CD36: variants seen among roughly 807,000 people sequenced by gnomAD.
The protein encoded by CD36 is CD36 molecule (CD36 blood group), also known as platelet glycoprotein 4.
A neutral mutation model predicts 55.2 loss-of-function variants in CD36; 119 were observed. The observed-to-expected ratio is 2.15, with a 90% CI of 1.86 to 2.51. CD36 has a LOEUF of 2.51. CD36 is among the 30% of genes most tolerant of loss of function. The pLI, the probability that CD36 is intolerant of heterozygous loss-of-function variation, is 0.00. For missense variants in CD36, 819 were observed against 555.5 expected (o/e 1.47, Z -4.77); for synonymous variants, 186 against 193.6 (o/e 0.96, Z 0.33).
Position 80,677,470 on chromosome 7 carries a change from G to A in CD36, c.*1087G>A, listed in dbSNP as rs556210555. 3.3e-5 allele frequency: 5 copies of A among 152,232 alleles called. No individual in the cohort carries two copies. The highest frequency in any genetic ancestry group is 2.1e-4 in the South Asian group (1 of 4,820). 9.4% of individuals were successfully genotyped at this position (152,232 alleles called of 1,614,324 possible). A position where few individuals can be genotyped will look rare whatever the true frequency, so the allele number is the denominator to read the frequency against. On this transcript the variant is annotated 3_prime_UTR_variant, in exon 15 of 15. Transcript: ENST00000447544. ...TTTTAGCCTCCTCCTTATGATAGCC[G>A]CCAGAGTAAATGTTGAGCATTACTA...
intron 8 of CD36, among the ~76,000 whole-genome samples, chr7:80,667,355 A>G (rs552029025): frequency 6.8e-6 from 1 of 146,804 alleles, no homozygotes; most frequent in South Asian, 2.2e-4. Context: ...ACTTGATTCC[A>G]GGAGGTGGAG....
chr7:80,646,636 C>A lies in CD36; in HGVS notation c.-89-16C>A. 2 of 1,346,778 alleles carry A rather than the reference C, an allele frequency of 1.5e-6. No homozygotes were observed. Among genetic ancestry groups the A allele is most frequent in the Non-Finnish European group, 2.1e-6 (2 of 939,820 alleles). 83.4% of individuals were successfully genotyped at this position (1,346,778 alleles called of 1,614,324 possible). A position where few individuals can be genotyped will look rare whatever the true frequency, so the allele number is the denominator to read the frequency against. ...GATATTTAAGCTTCTGTTTTATGATCTCTTTCTAATGATAGAACCAGAGCT... is the reference window on the plus strand; with the variant it reads ...GATATTTAAGCTTCTGTTTTATGATATCTTTCTAATGATAGAACCAGAGCT... On this transcript the variant is annotated splice_polypyrimidine_tract_variant and intron_variant, in intron 2 of 14. Transcript: ENST00000447544.
intron 1 of CD36, among the ~76,000 whole-genome samples, chr7:80,610,740 A>C (rs1792834039): frequency 6.6e-6 from 1 of 151,830 alleles, no homozygotes; most frequent in African/African-American, 2.4e-5. Flanking sequence ...ACGCCTGGCT[A>C]ATTTTTTGGA....
chr7:80,672,045 G>GAAAACACCTTATTGATCTGATTT lies in CD36; in HGVS notation c.1125+6_1125+28dup. On this transcript the variant is annotated splice_donor_region_variant and intron_variant, in intron 11 of 14. Coordinates refer to ENST00000447544, the MANE Select transcript of CD36 (RefSeq NM_001001548.3). ...ACATACTTGGATATTGAACCTGTAA[G>GAAAACACCTTATTGATCTGATTT]AAAACACCTTATTGATCTGATTTGG... 2 of 1,600,052 alleles carry GAAAACACCTTATTGATCTGATTT rather than the reference G, an allele frequency of 1.2e-6. No individual in the cohort carries two copies. Among genetic ancestry groups the GAAAACACCTTATTGATCTGATTT allele is most frequent in the Non-Finnish European group, 1.7e-6 (2 of 1,169,314 alleles).
intron 1 of CD36, among the ~76,000 whole-genome samples, chr7:80,640,492 A>T (rs1794730432): frequency 6.6e-6 from 1 of 151,994 alleles, no homozygotes; most frequent in Non-Finnish European, 1.5e-5. Context: ...AACTCATTTT[A>T]GAGAAAACTG....
chr7:80,660,691 T>C (rs1303467744), intron 4 of CD36, among the ~76,000 whole-genome samples: 1 of 152,214 alleles, frequency 6.6e-6, no homozygotes, highest in East Asian at 1.9e-4. Context: ...TGCCGTACTT[T>C]ACCTAACTAA....
At chr7:80,662,899 T>G in intron 5 of CD36, 91 bp from the exon 6 acceptor site, 1 of 1,055,882 alleles carries the variant, frequency 9.5e-7, no homozygotes, top group Non-Finnish European at 1.4e-6. Flanking sequence ...TTAAAAAGTT[T>G]TGTATTAAGC....
In CD36 at chr7:80,676,995, T is replaced by C. The variant is rs981791099; in HGVS notation, c.*612T>C. On this transcript the variant is annotated 3_prime_UTR_variant, in exon 15 of 15. Transcript: ENST00000447544. ...TAAAGACAGGTTTCAACCATTAAAATATGTTCTTCCTTAAATTCCTGTGCT... is the reference window on the plus strand; with the variant it reads ...TAAAGACAGGTTTCAACCATTAAAACATGTTCTTCCTTAAATTCCTGTGCT... The C allele has an allele frequency of 9.2e-5, 14 of 152,186 alleles. No individual in the cohort carries two copies. In the South Asian group the frequency reaches 1.4e-3, roughly 16 times the overall value. The allele number at this position is 152,186 out of a possible 1,614,324, so 9.4% of individuals were successfully genotyped here. A position where few individuals can be genotyped will look rare whatever the true frequency, so the allele number is the denominator to read the frequency against.
chr7:80,663,140 G>T lies in CD36; in HGVS notation c.580G>T (p.Val194Phe), dbSNP rs760233317. 1.2e-5 allele frequency: 19 copies of T among 1,613,514 alleles called. No individual in the cohort carries two copies. The African/African-American group carries it at 2.3e-4, about 19-fold the overall frequency. Reference protein sequence around the residue: ...DPFLSLVPYPVTTTVGLFYPY... With the variant: ...DPFLSLVPYPFTTTVGLFYPY... ...ATTTTTGAGTTTGGTTCCGTACCCT[G>T]TTACTACCACAGTTGGTCTGTTTTA... The change falls in exon 6 of 15, where the codon GTT becomes TTT. Residue 194 changes from valine (V) to phenylalanine (F), a missense_variant. By Grantham distance (50) the Val-to-Phe change is conservative (BLOSUM62 -1). Transcript: ENST00000447544.
intron 1 of CD36, among the ~76,000 whole-genome samples, chr7:80,611,597 A>G (rs1376189255): frequency 1.3e-5 from 2 of 152,216 alleles, no homozygotes; most frequent in Non-Finnish European, 2.9e-5. Flanking sequence ...AAAAGAGAGG[A>G]AAGTGTACCA....
intron 8 of CD36, among the ~76,000 whole-genome samples, chr7:80,668,247 A>G (rs1797310577): frequency 6.6e-6 from 1 of 152,194 alleles, no homozygotes; most frequent in Non-Finnish European, 1.5e-5. Context: ...AATCTTTAAA[A>G]AGAAGATTCA....
At chr7:80,622,250 C>T (rs569836433) in intron 1 of CD36, among the ~76,000 whole-genome samples, 22 of 152,322 alleles carry the variant, frequency 1.4e-4, no homozygotes, top group African/African-American at 1.7e-4. Flanking sequence ...TTCTGGGGCA[C>T]GAGACAAGAG....
At chr7:80,652,103 C>T (rs950395448) in intron 3 of CD36, among the ~76,000 whole-genome samples, 88 of 151,836 alleles carry the variant, frequency 5.8e-4, no homozygotes, top group African/African-American at 1.9e-3. Context: ...TATTTAATAA[C>T]GTAAGAACAA....
chr7:80,647,798 T>C (rs1795284998), intron 3 of CD36, among the ~76,000 whole-genome samples: 1 of 152,216 alleles, frequency 6.6e-6, no homozygotes, highest in Non-Finnish European at 1.5e-5. Flanking sequence ...TAAATGTTCA[T>C]TTTATTAAAC....
rs1430487041 is a variant in CD36, at chr7:80,673,377, A to G, written c.1222A>G (p.Asn408Asp). The stretch of plus-strand genomic sequence containing the variant: ...CAGAGTATTAAAGAATCTGAAGAGG[A>G]ACTATATTGTGCCTATTCTTTGGCT... The part of the protein sequence containing the change: ...KIQVLKNLKR[N>D]YIVPILWLNE... Residue 408 changes from asparagine (N) to aspartate (D), a missense_variant, in exon 13 of 15, where the codon AAC becomes GAC. Coordinates refer to ENST00000447544, the MANE Select transcript of CD36 (RefSeq NM_001001548.3). The G allele has an allele frequency of 3.2e-6, 5 of 1,556,806 alleles. No individual in the cohort carries two copies. The highest frequency in any genetic ancestry group is 1.7e-4 in the Middle Eastern group (1 of 5,908).
chr7:80,638,810 C>T lies in CD36; in HGVS notation c.-184+64C>T, dbSNP rs562381974. 13 of 151,456 alleles carry T rather than the reference C, an allele frequency of 8.6e-5. No homozygotes were observed. The East Asian group carries it at 1.6e-3, about 18-fold the overall frequency. 9.4% of individuals were successfully genotyped at this position (151,456 alleles called of 1,614,324 possible). A position where few individuals can be genotyped will look rare whatever the true frequency, so the allele number is the denominator to read the frequency against. The stretch of plus-strand genomic sequence containing the variant: ...GGGATTTTTCCCATCACCCAGATGA[C>T]GGGAGGTGACACTACTGTATAAATA... On this transcript the variant is annotated intron_variant, in intron 1 of 14. Coordinates refer to ENST00000447544, the MANE Select transcript of CD36 (RefSeq NM_001001548.3).
Position 80,678,411 on chromosome 7 carries a change from A to G in CD36, c.*2028A>G. The G allele has an allele frequency of 6.6e-6, 1 of 152,204 alleles. No individual in the cohort carries two copies. The highest frequency in any genetic ancestry group is 6.5e-5 in the Admixed American group (1 of 15,272). 9.4% of individuals were successfully genotyped at this position (152,204 alleles called of 1,614,324 possible). On this transcript the variant is annotated 3_prime_UTR_variant, in exon 15 of 15. Coordinates refer to ENST00000447544, the MANE Select transcript of CD36 (RefSeq NM_001001548.3). ...AGATTAGAGAATCAACAGCATCGGA[A>G]AATAGGTTAATGCATATTGCTTCTA...
upstream of CD36, chr7:80,636,874 T>C (rs1039164305): frequency 2.6e-5 from 4 of 152,080 alleles, no homozygotes; most frequent in Admixed American, 2.6e-4. Context: ...TCTATGGGAT[T>C]GAACACTTAA....
At chr7:80,648,652 A>G (rs1795361576) in intron 3 of CD36, among the ~76,000 whole-genome samples, 1 of 152,114 alleles carries the variant, frequency 6.6e-6, no homozygotes, top group African/African-American at 2.4e-5. Flanking sequence ...CCAGGGGAAG[A>G]TATATTATAA....
Sources: allele counts gnomAD v4.1 joint callset (sites outside exome capture counted in the v4.1 genomes callset), GRCh38; gene constraint gnomAD v4.1.1; transcripts MANE v1.5; gene names NCBI Gene and HGNC (gene_info 2026-07-23, HGNC 2026-07-21).